The following PRRC2A variants were observed in gnomAD, a reference collection of about 807,000 sequenced individuals.
PRRC2A encodes the protein protein PRRC2A.
In PRRC2A, 59 loss-of-function variants were observed where a neutral mutation model predicts 224.6. The ratio of observed to expected loss-of-function variants is 0.26; its 90% CI spans 0.21 to 0.33. PRRC2A has a LOEUF of 0.33. PRRC2A is among the 10% of genes least tolerant of loss of function. The probability of loss-of-function intolerance (pLI) is 1.00; values close to 1 mark genes in which losing one functional copy is unlikely to be tolerated. For missense variants in PRRC2A, 3,095 were observed against 2,880.7 expected, an observed-to-expected ratio of 1.07 and a Z score of -1.70; for synonymous variants, 1,194 against 1,109.5, an observed-to-expected ratio of 1.08 and a Z score of -1.51.
chr6:31,636,391 G>A lies in PRRC2A; in HGVS notation c.5807G>A (p.Ser1936Asn). The A allele has an allele frequency of 6.2e-7, 1 of 1,612,896 alleles. No individual in the cohort carries two copies. Among genetic ancestry groups the A allele is most frequent in the Non-Finnish European group, 8.5e-7 (1 of 1,179,966 alleles). The change falls in exon 26 of 31, where the codon AGT becomes AAT. Residue 1936 changes from serine (S) to asparagine (N), a missense_variant. Ser to Asn is a conservative substitution (Grantham distance 46, BLOSUM62 1). Transcript: ENST00000376033. This position sits in a 1 kb window ranked among gnomAD's most constrained non-coding sequence, Gnocchi z 4.3. ...CTCTACTCTCCGGCTTTCTGCCCCAGTCCTTTGCCTGACACATCGTTGCTT... is the reference window on the plus strand; with the variant it reads ...CTCTACTCTCCGGCTTTCTGCCCCAATCCTTTGCCTGACACATCGTTGCTT... Reference protein sequence around the residue: ...SFLYSPAFCPSPLPDTSLLQV... With the variant: ...SFLYSPAFCPNPLPDTSLLQV...
chr6:31,620,767 GCGCCAT>G lies in PRRC2A; in HGVS notation c.-190_-185del, dbSNP rs1261205020. 1 of 152,126 alleles carries G rather than the reference GCGCCAT, an allele frequency of 6.6e-6. No individual in the cohort carries two copies. The highest frequency in any genetic ancestry group is 1.5e-5 in the Non-Finnish European group (1 of 68,036). The allele number at this position is 152,126 out of a possible 1,614,324, so 9.4% of individuals were successfully genotyped here. A position where few individuals can be genotyped will look rare whatever the true frequency, so the allele number is the denominator to read the frequency against. ...AGGGAGACGGGAGGAGCCGAACCCGGCGCCATCCGCCGCCATCCTCCCCCGCCCCAC... is the reference window on the plus strand; with the variant it reads ...AGGGAGACGGGAGGAGCCGAACCCGGCCGCCGCCATCCTCCCCCGCCCCAC... On this transcript the variant is annotated 5_prime_UTR_variant, in exon 1 of 31. Coordinates refer to ENST00000376033, the MANE Select transcript of PRRC2A (RefSeq NM_004638.4).
intron 12 of PRRC2A, 26 bp downstream of exon 12, chr6:31,628,265 C>T (rs765992884): frequency 1.9e-6 from 3 of 1,587,564 alleles, no homozygotes; most frequent in South Asian, 2.2e-5. Flanking sequence ...TAGGTACTAC[C>T]AGATGTCAGA....
intron 17 of PRRC2A, 85 bp downstream of exon 17, chr6:31,633,732 A>G: frequency 6.5e-7 from 1 of 1,535,970 alleles, no homozygotes; most frequent in East Asian, 2.3e-5. Flanking sequence ...AACCTGGCCT[A>G]GGGACCCTGC....
At position 31,632,651 on chromosome 6, in the gene PRRC2A, G is replaced by A. The variant is rs372465910; in HGVS notation, c.3978G>A (p.Glu1326=). ...QANEEWETAS[E]SSDFTSERRG... is the part of the protein sequence containing the mutation. ...ATGAGGAATGGGAGACTGCATCAGA[G>A]AGCAGTGACTTCACCAGTGAGCGCC... Residue 1326 remains glutamate, a synonymous_variant, in exon 16 of 31, where the codon GAG becomes GAA. Transcript: ENST00000376033. The A allele has an allele frequency of 2.5e-6, 4 of 1,613,122 alleles. No homozygotes were observed. The highest frequency in any genetic ancestry group is 2.5e-6 in the Non-Finnish European group (3 of 1,180,042).
At position 31,626,658 on chromosome 6, in the gene PRRC2A, C is replaced by T. The variant is rs7769995; in HGVS notation, c.983-114C>T. On this transcript the variant is annotated intron_variant, in intron 9 of 30. Transcript: ENST00000376033. ...ACAAGACTTCATTGGTGGATCTAGACTTCGGAGGGAAGGATATTGGCATTG... is the reference window on the plus strand; with the variant it reads ...ACAAGACTTCATTGGTGGATCTAGATTTCGGAGGGAAGGATATTGGCATTG... 930 of 944,798 alleles carry T rather than the reference C, an allele frequency of 9.8e-4. 4 individuals carry two copies. In the African/African-American group the frequency reaches 0.014, roughly 14 times the overall value. The allele number at this position is 944,798 out of a possible 1,614,324, so 58.5% of individuals were successfully genotyped here.
chr6:31,631,087 G>C lies in PRRC2A; in HGVS notation c.2466-52G>C. Reference sequence around the variant, plus strand: ...TAATAAAGTGTTCTTTTCCCACCTAGTTCTGGTTTTCCTGAGATACTTATT... The same window carrying C: ...TAATAAAGTGTTCTTTTCCCACCTACTTCTGGTTTTCCTGAGATACTTATT... On this transcript the variant is annotated intron_variant, in intron 15 of 30. Transcript: ENST00000376033. This position sits in a 1 kb window ranked among gnomAD's most constrained non-coding sequence, Gnocchi z 4.5. 7.0e-7 allele frequency: 1 copy of C among 1,419,458 alleles called. No homozygotes were observed. The highest frequency in any genetic ancestry group is 2.3e-5 in the Admixed American group (1 of 43,146). The allele number at this position is 1,419,458 out of a possible 1,614,324, so 87.9% of individuals were successfully genotyped here. A position where few individuals can be genotyped will look rare whatever the true frequency, so the allele number is the denominator to read the frequency against.
Position 31,631,172 on chromosome 6 carries a change from C to A in PRRC2A, c.2499C>A (p.Pro833=). Residue 833 remains proline, a synonymous_variant, in exon 16 of 31, where the codon CCC becomes CCA. Transcript: ENST00000376033. The surrounding 1 kb of genome is among the most constrained non-coding windows in gnomAD (Gnocchi z 4.5). ...SETPPVPPPP[P]YLASYPGFPE... ...CTCCTCCAGTACCTCCCCCACCACC[C>A]TATCTGGCCAGTTATCCAGGCTTTC... The A allele has an allele frequency of 6.4e-7, 1 of 1,558,006 alleles. No individual in the cohort carries two copies. The highest frequency in any genetic ancestry group is 8.7e-7 in the Non-Finnish European group (1 of 1,152,124).
intron 2 of PRRC2A, 125 bp downstream of exon 2, chr6:31,623,026 A>G (rs1374498056): frequency 3.1e-5 from 27 of 865,506 alleles, no homozygotes; most frequent in East Asian, 4.8e-5. Context: ...AGATTTCCCA[A>G]CTTTACACTG....
chr6:31,630,082 C>T (rs536075320), intron 14 of PRRC2A, among the ~76,000 whole-genome samples: 1 of 152,138 alleles, frequency 6.6e-6, no homozygotes, highest in African/African-American at 2.4e-5. Flanking sequence ...TTAGGGAGGC[C>T]GAGGTGGGCA....
At chr6:31,637,390 G>T (rs2255741) in intron 30 of PRRC2A, 56 bp from the exon 31 acceptor site, 19 of 1,602,400 alleles carry the variant, frequency 1.2e-5, no homozygotes, top group African/African-American at 2.7e-5. Flanking sequence ...CTGTCCTTCC[G>T]TCTCATCGCT....
intron 5 of PRRC2A, chr6:31,624,822 G>A (rs1018950851): frequency 1.4e-5 from 7 of 513,520 alleles, no homozygotes; most frequent in African/African-American, 3.8e-5. Context: ...TTTTTGAGAC[G>A]GAGTCTCATT....
At position 31,632,519 on chromosome 6, in the gene PRRC2A, C is replaced by A. The variant is rs375608614; in HGVS notation, c.3846C>A (p.Ser1282=). Residue 1282 remains serine (S), a synonymous_variant, in exon 16 of 31, where the codon TCC becomes TCA. Coordinates refer to ENST00000376033, the MANE Select transcript of PRRC2A (RefSeq NM_004638.4). ...AGCCCTCCCTAACCCTTCCAGCCTC[C>A]GCTCCTGGACCTGAGGAGGCCCTCA... ...EGKPSLTLPA[S]APGPEEALTT... The A allele has an allele frequency of 1.9e-6, 3 of 1,608,562 alleles. No homozygotes were observed. The highest frequency in any genetic ancestry group is 1.7e-6 in the Non-Finnish European group (2 of 1,177,178).
In PRRC2A at chr6:31,632,708, G is replaced by A. The variant is rs1371359284; in HGVS notation, c.4035G>A (p.Leu1345=). The A allele has an allele frequency of 3.7e-6, 6 of 1,613,020 alleles. No homozygotes were observed. The highest frequency in any genetic ancestry group is 2.2e-5 in the East Asian group (1 of 44,896). ...ACAAAGAGGCACCCCCACCAGTACT[G>A]CTGACACCCAAGGCTGTGGGAACTC... is the stretch of plus-strand genomic sequence containing the variant. ...RGDKEAPPPV[L]LTPKAVGTPG... is the part of the protein sequence containing the mutation. Residue 1345 remains leucine, a synonymous_variant, in exon 16 of 31, where the codon CTG becomes CTA. Coordinates refer to ENST00000376033, the MANE Select transcript of PRRC2A (RefSeq NM_004638.4).
Position 31,625,365 on chromosome 6 carries a change from G to A in PRRC2A, c.607+51G>A. On this transcript the variant is annotated intron_variant, in intron 6 of 30. Coordinates refer to ENST00000376033, the MANE Select transcript of PRRC2A (RefSeq NM_004638.4). This position sits in a 1 kb window ranked among gnomAD's most constrained non-coding sequence, Gnocchi z 4.1. ...CATTACCTATTGCATCTCAGAGCTA[G>A]GTGCTGGCTTATTCACCTTCCTCCC... 1 of 1,614,064 alleles carries A rather than the reference G, an allele frequency of 6.2e-7. No homozygotes were observed.
In PRRC2A at chr6:31,633,651, A is replaced by T; in HGVS notation, c.4588+4A>T. On this transcript the variant is annotated splice_donor_region_variant and intron_variant, in intron 17 of 30. Coordinates refer to ENST00000376033, the MANE Select transcript of PRRC2A (RefSeq NM_004638.4). ...GTCAACAGCGGCCTCAGTTCTGGTAAGCTGGAGGGGTTATGGGTGGGAATA... is the reference window on the plus strand; with the variant it reads ...GTCAACAGCGGCCTCAGTTCTGGTATGCTGGAGGGGTTATGGGTGGGAATA... The T allele has an allele frequency of 6.2e-7, 1 of 1,607,062 alleles. No homozygotes were observed. Among genetic ancestry groups the T allele is most frequent in the Non-Finnish European group, 8.5e-7 (1 of 1,176,516 alleles).
intron 23 of PRRC2A, 49 bp from the exon 24 acceptor site, chr6:31,635,533 G>A (rs1192186995): frequency 1.2e-6 from 2 of 1,611,296 alleles, no homozygotes; most frequent in Non-Finnish European, 1.7e-6. Flanking sequence ...GAGTGACCAG[G>A]GCGTCCAGGA....
chr6:31,629,001 A>T, intron 12 of PRRC2A, 143 bp from the exon 13 acceptor site: 1 of 855,480 alleles, frequency 1.2e-6, no homozygotes, highest in Non-Finnish European at 1.9e-6. Flanking sequence ...ATGGGTCTTA[A>T]ATGGGAGGGG....
At chr6:31,637,413 T>C in intron 30 of PRRC2A, 33 bp from the exon 31 acceptor site, 1 of 1,603,356 alleles carries the variant, frequency 6.2e-7, no homozygotes. Context: ...CCTCTCACTG[T>C]GACTCACTGT....
chr6:31,635,551 C>T (rs749607894), intron 23 of PRRC2A, 31 bp from the exon 24 acceptor site: 8 of 1,610,982 alleles, frequency 5.0e-6, no homozygotes, highest in Non-Finnish European at 6.8e-6. Context: ...GGATGCCAGA[C>T]ATCCCTCTCC....
Sources: gnomAD v4.1 joint callset for allele counts (sites outside exome capture counted in the v4.1 genomes callset) on GRCh38, gnomAD v4.1.1 for gene constraint, Gnocchi (gnomAD v3.1) non-coding constraint, MANE v1.5 for transcripts, NCBI Gene and HGNC (gene_info 2026-07-23, HGNC 2026-07-21) for gene names.